The following KAZN variants were observed in gnomAD, a reference collection of about 807,000 sequenced individuals.
KAZN encodes kazrin.
A neutral mutation model predicts 87.4 loss-of-function variants in KAZN; 40 were observed. That is an observed-to-expected ratio of 0.46 (90% CI 0.36 to 0.60). KAZN has a LOEUF of 0.60. Ranked by LOEUF, KAZN falls within the 20% of genes least tolerant of loss-of-function variation. The pLI, the probability that KAZN is intolerant of heterozygous loss-of-function variation, is 0.00. For missense variants in KAZN, 898 were observed against 1,073.9 expected (o/e 0.84, Z 2.29); for synonymous variants, 466 against 458.3 (o/e 1.02, Z -0.22).
chr1:14,843,111 T>C (rs969202958), intron 1 of KAZN, among the ~76,000 whole-genome samples: 1 of 152,208 alleles, frequency 6.6e-6, no homozygotes, highest in Non-Finnish European at 1.5e-5. Context: ...TGGCCAGTGC[T>C]GGTATTTATT....
At chr1:14,614,486 A>G (rs1678064459) in intron 1 of KAZN, among the ~76,000 whole-genome samples, 1 of 152,220 alleles carries the variant, frequency 6.6e-6, no homozygotes. Flanking sequence ...TTTGCTAAGG[A>G]TGAGAGCTCT....
At chr1:14,373,774 G>A (rs578175257) in intron 2 of KAZN, among the ~76,000 whole-genome samples, 14 of 152,290 alleles carry the variant, frequency 9.2e-5, no homozygotes, top group African/African-American at 2.9e-4. Context: ...CCAAGGTGAT[G>A]TGTAAGATGA....
At chr1:14,012,518 T>A (rs1027305502) in intron 1 of KAZN, among the ~76,000 whole-genome samples, 1 of 152,156 alleles carries the variant, frequency 6.6e-6, no homozygotes, top group Non-Finnish European at 1.5e-5. Flanking sequence ...AACCTACTTT[T>A]AAAAATACAT....
intron 2 of KAZN, among the ~76,000 whole-genome samples, chr1:14,355,830 T>C (rs1658975040): frequency 6.6e-6 from 1 of 152,246 alleles, no homozygotes; most frequent in Non-Finnish European, 1.5e-5. Flanking sequence ...CAGTCTATCA[T>C]TGATGGGCAT....
chr1:14,847,862 C>T (rs1462132122), intron 1 of KAZN, among the ~76,000 whole-genome samples: 1 of 152,150 alleles, frequency 6.6e-6, no homozygotes, highest in Non-Finnish European at 1.5e-5. Context: ...CACCTACAGT[C>T]CTAGTTTCTT....
intron 2 of KAZN, among the ~76,000 whole-genome samples, chr1:14,586,773 C>G (rs924433256): frequency 6.6e-6 from 1 of 152,092 alleles, no homozygotes; most frequent in African/African-American, 2.4e-5. Flanking sequence ...CTCTCGGGCT[C>G]AAGTGATCCT....
At position 15,066,573 on chromosome 1, in the gene KAZN, AAAAG is replaced by A. The variant is rs1639242305; in HGVS notation, c.1222+824_1222+827del. ...TTCTTTCTTTATGAAAAAAAAGAAA[AAAAG>A]AAAATTGTTTCATTTAATTTATTTG... On this transcript the variant is annotated intron_variant, in intron 8 of 14. Coordinates refer to ENST00000376030, the MANE Select transcript of KAZN (RefSeq NM_201628.3). The surrounding 1 kb of genome is among the most constrained non-coding windows in gnomAD (Gnocchi z 4.3). 4.1e-6 allele frequency: 4 copies of A among 984,700 alleles called. No homozygotes were observed. The highest frequency in any genetic ancestry group is 4.8e-6 in the Non-Finnish European group (4 of 829,330). The allele number at this position is 984,700 out of a possible 1,614,324, so 61.0% of individuals were successfully genotyped here. A position where few individuals can be genotyped will look rare whatever the true frequency, so the allele number is the denominator to read the frequency against.
At chr1:15,001,283 G>A (rs1668436808) in intron 2 of KAZN, among the ~76,000 whole-genome samples, 1 of 140,920 alleles carries the variant, frequency 7.1e-6, no homozygotes. Flanking sequence ...CCAACAGGGC[G>A]AAACCCCATC....
chr1:14,306,923 A>G (rs2100798817), intron 2 of KAZN, among the ~76,000 whole-genome samples: 1 of 152,300 alleles, frequency 6.6e-6, no homozygotes, highest in East Asian at 1.9e-4. Context: ...GGTGTGAAAA[A>G]TAACAAAATT....
chr1:14,373,008 G>A (rs960073910), intron 2 of KAZN, among the ~76,000 whole-genome samples: 5 of 152,106 alleles, frequency 3.3e-5, no homozygotes, highest in African/African-American at 9.7e-5. Context: ...GGCCCCCTGA[G>A]GAGGTGCCAT....
chr1:13,945,679 T>TGTGTGTG (rs1553177121), intron 1 of KAZN, among the ~76,000 whole-genome samples: 342 of 123,398 alleles, frequency 2.8e-3, no homozygotes, highest in African/African-American at 9.1e-3. Flanking sequence ...TGCTCTCAGT[T>TGTGTGTG]TGTGTGTGTG....
chr1:14,946,397 GCACAAT>G (rs1416140528), intron 1 of KAZN, among the ~76,000 whole-genome samples: 2 of 150,108 alleles, frequency 1.3e-5, no homozygotes, highest in Non-Finnish European at 3.0e-5. Flanking sequence ...GAGTGCAGTG[GCACAAT>G]CTCAGCTCAC....
intron 2 of KAZN, among the ~76,000 whole-genome samples, chr1:14,189,219 G>T (rs983687330): frequency 6.6e-6 from 1 of 152,122 alleles, no homozygotes; most frequent in Admixed American, 6.6e-5. Context: ...ATTCCTGTGG[G>T]ACTTGAACCA....
intron 2 of KAZN, among the ~76,000 whole-genome samples, chr1:14,540,465 C>T (rs1006510493): frequency 6.6e-6 from 1 of 152,176 alleles, no homozygotes; most frequent in Non-Finnish European, 1.5e-5. Flanking sequence ...AGGGAGAGAG[C>T]TCTCAGGCTG....
At chr1:14,045,469 T>C (rs1642026456) in intron 1 of KAZN, among the ~76,000 whole-genome samples, 1 of 152,204 alleles carries the variant, frequency 6.6e-6, no homozygotes, top group African/African-American at 2.4e-5. Context: ...CATAACCCAA[T>C]TGTAAGGATC....
At chr1:14,087,509 G>A (rs2101608512) in intron 1 of KAZN, among the ~76,000 whole-genome samples, 1 of 152,146 alleles carries the variant, frequency 6.6e-6, no homozygotes, top group Middle Eastern at 3.4e-3. Context: ...ATAAAATGAG[G>A]CAGTGAACAT....
chr1:14,619,065 T>C (rs1678483821), intron 1 of KAZN, among the ~76,000 whole-genome samples: 1 of 151,952 alleles, frequency 6.6e-6, no homozygotes, highest in Non-Finnish European at 1.5e-5. Context: ...GATGGGAGAA[T>C]TAATGGGGCA....
intron 4 of KAZN, among the ~76,000 whole-genome samples, chr1:15,045,825 C>G (rs1003151325): frequency 4.6e-5 from 7 of 152,126 alleles, no homozygotes; most frequent in African/African-American, 1.7e-4. Context: ...ATCTCGTTAG[C>G]ATTCTATCAC....
chr1:14,943,550 T>A (rs1661390967), intron 1 of KAZN, among the ~76,000 whole-genome samples: 1 of 152,200 alleles, frequency 6.6e-6, no homozygotes, highest in African/African-American at 2.4e-5. Context: ...CCAAAATGTA[T>A]GTAGTACTTG....
Sources: gnomAD v4.1 joint callset for allele counts (sites outside exome capture counted in the v4.1 genomes callset) on GRCh38, gnomAD v4.1.1 for gene constraint, Gnocchi (gnomAD v3.1) non-coding constraint, MANE v1.5 for transcripts, NCBI Gene and HGNC (gene_info 2026-07-23, HGNC 2026-07-21) for gene names.